The following MYOCD variants were observed in gnomAD, a reference collection of about 807,000 sequenced individuals.
MYOCD encodes the protein myocardin.
Under a neutral mutation model 96.1 loss-of-function variants are expected in MYOCD, and 32 were observed. The observed-to-expected ratio is 0.33, with a 90% CI of 0.25 to 0.45. MYOCD has a LOEUF of 0.45. Among genes scored for constraint, MYOCD ranks in the 20% least tolerant of loss-of-function variants. The pLI is 1.00. For synonymous variants in MYOCD, 469 were observed against 469.0 expected (o/e 1.00, Z 0.00); for missense variants, 1,133 against 1,200.6 (o/e 0.94, Z 0.83).
chr17:12,728,234 A>T lies in MYOCD; in HGVS notation c.415+5226A>T, dbSNP rs115800984. ...CTACAGGCTTACTTCTAGCTTGTTA[A>T]TTCTCTCGCTGGTCATCAGAGCATT... On this transcript the variant is annotated intron_variant, in intron 5 of 13. Transcript: ENST00000425538. 4.1e-3 allele frequency among the ~76,000 whole-genome samples: 624 copies of T among 152,218 alleles called. 2 individuals are homozygous for T. The highest frequency in any genetic ancestry group is 0.014 in the African/African-American group (592 of 41,528).
chr17:12,733,622 C>T (rs1456702198), intron 5 of MYOCD, among the ~76,000 whole-genome samples: 2 of 152,168 alleles, frequency 1.3e-5, no homozygotes, highest in African/African-American at 4.8e-5. Flanking sequence ...AATCCCAGCA[C>T]TTTGGGAGGC....
At chr17:12,759,654 G>T (rs2033115500) in intron 12 of MYOCD, among the ~76,000 whole-genome samples, 1 of 152,122 alleles carries the variant, frequency 6.6e-6, no homozygotes, top group South Asian at 2.1e-4. Flanking sequence ...CAGGCAAAGT[G>T]GACATCCAGA....
intron 10 of MYOCD, among the ~76,000 whole-genome samples, chr17:12,756,203 A>G (rs2033007159): frequency 6.6e-6 from 1 of 152,182 alleles, no homozygotes; most frequent in Admixed American, 6.5e-5. Context: ...CGGAAATCCT[A>G]TGATGTGGAT....
intron 5 of MYOCD, among the ~76,000 whole-genome samples, chr17:12,726,459 A>G (rs1396292326): frequency 6.6e-6 from 1 of 152,216 alleles, no homozygotes; most frequent in Non-Finnish European, 1.5e-5. Flanking sequence ...GGAAGAAAAG[A>G]TGAGAAGTTT....
At chr17:12,689,260 T>C (rs1242373710) in intron 1 of MYOCD, among the ~76,000 whole-genome samples, 3 of 152,196 alleles carry the variant, frequency 2.0e-5, no homozygotes, top group African/African-American at 7.2e-5. Flanking sequence ...ATATTGCTTC[T>C]GTTGCTGGTG....
intron 9 of MYOCD, 57 bp downstream of exon 9, chr17:12,746,129 T>C: frequency 6.4e-7 from 1 of 1,574,498 alleles, no homozygotes; most frequent in Non-Finnish European, 8.7e-7. Context: ...CAGTATGTTG[T>C]TAACATCACC....
intron 5 of MYOCD, among the ~76,000 whole-genome samples, chr17:12,730,798 G>C (rs930975912): frequency 3.3e-5 from 5 of 152,204 alleles, no homozygotes; most frequent in African/African-American, 1.2e-4. Context: ...GACCGGGCCA[G>C]CTCACAGGTT....
At chr17:12,749,676 C>T (rs12453580) in intron 9 of MYOCD, among the ~76,000 whole-genome samples, 17 of 24,528 alleles carry the variant, frequency 6.9e-4, no homozygotes, top group African/African-American at 1.4e-3. Context: ...TATGTATATA[C>T]ACATACATAT....
At position 12,758,247 on chromosome 17, in the gene MYOCD, G is replaced by T. The variant is rs751901555; in HGVS notation, c.2331+34G>T. 1.3e-4 allele frequency: 206 copies of T among 1,613,432 alleles called. 2 individuals are homozygous for T. The Admixed American group carries it at 3.4e-3, about 26-fold the overall frequency. ...GTGATTTGTTCTTTATGGAAGAATA[G>T]ACTGACTCAATGAACAGACATTGTT... On this transcript the variant is annotated intron_variant, in intron 12 of 13. Coordinates refer to ENST00000425538, the MANE Select transcript of MYOCD (RefSeq NM_001146312.3).
At chr17:12,676,300 T>A (rs1910047562) in intron 1 of MYOCD, among the ~76,000 whole-genome samples, 1 of 149,428 alleles carries the variant, frequency 6.7e-6, no homozygotes, top group South Asian at 2.1e-4. Context: ...CACAGAAATG[T>A]CTTGACCATA....
At chr17:12,727,285 G>A (rs868748473) in intron 5 of MYOCD, among the ~76,000 whole-genome samples, 11 of 152,148 alleles carry the variant, frequency 7.2e-5, no homozygotes, top group South Asian at 6.2e-4. Flanking sequence ...ACTCATCTAC[G>A]CATCAGCCTC....
chr17:12,750,082 C>T (rs2032801933), intron 9 of MYOCD, among the ~76,000 whole-genome samples: 1 of 152,028 alleles, frequency 6.6e-6, no homozygotes, highest in African/African-American at 2.4e-5. Context: ...CGTGATCCGC[C>T]CGCCTCGGCC....
intron 1 of MYOCD, among the ~76,000 whole-genome samples, chr17:12,687,637 A>C (rs1270341284): frequency 1.3e-5 from 2 of 152,246 alleles, no homozygotes; most frequent in Non-Finnish European, 2.9e-5. Context: ...TTTAAATATA[A>C]ATTAATTTAT....
At chr17:12,710,652 GTC>G (rs780925920) in intron 2 of MYOCD, 25 of 268,942 alleles carry the variant, frequency 9.3e-5, no homozygotes, top group Middle Eastern at 1.9e-3. Context: ...ACTGGACAAA[GTC>G]TCTCTTCCTT....
chr17:12,745,754 C>T (rs574321355), intron 8 of MYOCD, among the ~76,000 whole-genome samples, 165 bp from the exon 9 acceptor site: 3 of 152,214 alleles, frequency 2.0e-5, no homozygotes, highest in East Asian at 1.9e-4. Flanking sequence ...TGTCACGCAC[C>T]GCTTACCGTC....
chr17:12,730,250 A>G (rs142574179), intron 5 of MYOCD, among the ~76,000 whole-genome samples: 2,465 of 152,114 alleles, frequency 0.016, 27 homozygotes, highest in South Asian at 0.027. Context: ...GAAGTTCGAG[A>G]CCAACCTGAC....
intron 2 of MYOCD, among the ~76,000 whole-genome samples, chr17:12,715,311 G>GT (rs66853047): frequency 7.5e-5 from 1 of 13,338 alleles, no homozygotes; most frequent in Non-Finnish European, 2.5e-4. Flanking sequence ...GCTACTCCCC[G>GT]TTTGAGGCTT....
intron 4 of MYOCD, among the ~76,000 whole-genome samples, chr17:12,721,429 G>C (rs539130616): frequency 6.6e-6 from 1 of 152,330 alleles, no homozygotes; most frequent in East Asian, 1.9e-4. Context: ...AAGCGAAAGA[G>C]ATCTATAAGA....
intron 4 of MYOCD, 145 bp from the exon 5 acceptor site, chr17:12,722,702 A>C: frequency 1.6e-6 from 1 of 643,736 alleles, no homozygotes; most frequent in South Asian, 2.4e-5. Flanking sequence ...AATCCCTGTA[A>C]AGTGATGATG....
Sources: allele counts gnomAD v4.1 joint callset (sites outside exome capture counted in the v4.1 genomes callset), GRCh38; gene constraint gnomAD v4.1.1; transcripts MANE v1.5; gene names NCBI Gene and HGNC (gene_info 2026-07-23, HGNC 2026-07-21).